Variants in NMU observed in about 807,000 individuals in gnomAD.
NMU encodes the protein neuromedin-U.
Under a neutral mutation model 35.4 loss-of-function variants are expected in NMU, and 29 were observed. The observed-to-expected ratio is 0.82, with a 90% CI of 0.61 to 1.12. NMU has a LOEUF of 1.12. NMU is among the 50% of genes most tolerant of loss of function. The pLI, the probability that NMU is intolerant of heterozygous loss-of-function variation, is 0.00. For missense variants in NMU, 199 were observed against 206.2 expected, an observed-to-expected ratio of 0.97 and a Z score of 0.21; for synonymous variants, 78 against 81.3, an observed-to-expected ratio of 0.96 and a Z score of 0.22.
Position 55,616,404 on chromosome 4 carries a change from T to G in NMU, c.172-19A>C. On this transcript the variant is annotated intron_variant, in intron 2 of 9. Coordinates refer to ENST00000264218, the MANE Select transcript of NMU (RefSeq NM_006681.4). ...CATCTATCTGTAGAAAACAAAAATG[T>G]CAGTTACATCCTGGGAATGGACAGA... 3.1e-6 allele frequency: 5 copies of G among 1,592,338 alleles called. No homozygotes were observed. The highest frequency in any genetic ancestry group is 4.3e-6 in the Non-Finnish European group (5 of 1,160,254).
At chr4:55,612,070 G>A (rs575964841) in intron 3 of NMU, among the ~76,000 whole-genome samples, 1 of 152,252 alleles carries the variant, frequency 6.6e-6, no homozygotes, top group Admixed American at 6.5e-5. Context: ...CTGGAGTTGG[G>A]AGTTGGCTGC....
Position 55,605,302 on chromosome 4 carries a change from C to G in NMU, c.408G>C (p.Glu136Asp), listed in dbSNP as rs1330380725. 1 of 1,613,594 alleles carries G rather than the reference C, an allele frequency of 6.2e-7. No individual in the cohort carries two copies. The highest frequency in any genetic ancestry group is 1.7e-5 in the Admixed American group (1 of 59,994). ...CCACTCTGAATCTCTTCATTCTTCT[C>G]TCATGCAGGTGAGGAACGAGCTGCA... ...PLLQLVPHLH[E>D]RRMKRFRVDE... The change falls in exon 7 of 10, where the codon GAG becomes GAC. Residue 136 changes from glutamate (E) to aspartate (D), a missense_variant. Physicochemically the swap from Glu to Asp is conservative, Grantham distance 45. Transcript: ENST00000264218.
intron 4 of NMU, 132 bp from the exon 5 acceptor site, chr4:55,607,598 CTG>C (rs1384449313): frequency 5.8e-6 from 2 of 345,452 alleles, no homozygotes; most frequent in East Asian, 4.9e-5. Context: ...AAATACAAGA[CTG>C]AAATTAGTTA....
At chr4:55,611,685 G>A (rs990200521) in intron 3 of NMU, among the ~76,000 whole-genome samples, 1 of 152,130 alleles carries the variant, frequency 6.6e-6, no homozygotes, top group African/African-American at 2.4e-5. Context: ...TACATAGTGT[G>A]TTACAACTGC....
intron 3 of NMU, among the ~76,000 whole-genome samples, chr4:55,612,948 A>G (rs987783078): frequency 1.0e-4 from 15 of 149,584 alleles, no homozygotes; most frequent in African/African-American, 3.5e-4. Context: ...GGTGGTACAT[A>G]TACACCACCG....
At chr4:55,610,938 C>CA (rs1368648988) in intron 3 of NMU, among the ~76,000 whole-genome samples, 1 of 151,508 alleles carries the variant, frequency 6.6e-6, no homozygotes, top group Non-Finnish European at 1.5e-5. Flanking sequence ...TTTAAAAAGT[C>CA]AAAAAAATTC....
intron 7 of NMU, 105 bp downstream of exon 7, chr4:55,605,170 C>T (rs116755301): frequency 0.019 from 15,917 of 821,754 alleles, 244 homozygotes; most frequent in Middle Eastern, 0.027. Context: ...TTAGTGTGGG[C>T]TTATCCTGAA....
intron 2 of NMU, 88 bp downstream of exon 2, chr4:55,630,314 T>C: frequency 2.1e-6 from 2 of 974,172 alleles, no homozygotes; most frequent in African/African-American, 1.6e-5. Flanking sequence ...AAAATCATAG[T>C]TCTCCCAAAG....
chr4:55,636,394 G>C, upstream of NMU: 1 of 752,662 alleles, frequency 1.3e-6, no homozygotes, highest in East Asian at 3.5e-5. This position sits in a 1 kb window ranked among gnomAD's most constrained non-coding sequence, Gnocchi z 4.0. Context: ...TGCCGCCCCC[G>C]GCCTACCTCG....
intron 2 of NMU, among the ~76,000 whole-genome samples, chr4:55,627,770 A>G (rs1734592718): frequency 6.6e-6 from 1 of 152,222 alleles, no homozygotes; most frequent in African/African-American, 2.4e-5. Flanking sequence ...CAAGAGCAAG[A>G]AGTTTGTTAA....
chr4:55,602,911 T>C (rs1733481969), intron 7 of NMU, among the ~76,000 whole-genome samples: 1 of 152,222 alleles, frequency 6.6e-6, no homozygotes, highest in Non-Finnish European at 1.5e-5. Context: ...TTTTTAAAAG[T>C]ATCTGAAAAC....
chr4:55,600,500 T>C (rs1310782808), intron 8 of NMU, 22 bp downstream of exon 8: 1 of 1,531,246 alleles, frequency 6.5e-7, no homozygotes, highest in Admixed American at 1.7e-5. Context: ...ATTGATTTTT[T>C]AAAAATACAG....
chr4:55,595,571 C>T (rs370111686), intron 9 of NMU, among the ~76,000 whole-genome samples, 160 bp from the exon 10 acceptor site: 1 of 116,952 alleles, frequency 8.6e-6, no homozygotes, highest in Non-Finnish European at 1.9e-5. Context: ...TATACACACA[C>T]ACACACACAC....
chr4:55,613,772 G>A (rs919079382), intron 3 of NMU, among the ~76,000 whole-genome samples: 1 of 152,048 alleles, frequency 6.6e-6, no homozygotes, highest in South Asian at 2.1e-4. Flanking sequence ...CTCTCCCACA[G>A]CTGGTGGAAC....
chr4:55,612,333 G>A (rs970074574), intron 3 of NMU, among the ~76,000 whole-genome samples: 3 of 152,176 alleles, frequency 2.0e-5, no homozygotes, highest in Non-Finnish European at 4.4e-5. Context: ...CCAGGAGTTC[G>A]TAGCTGTGGC....
chr4:55,625,719 C>G (rs994377511), intron 2 of NMU, among the ~76,000 whole-genome samples: 8 of 152,064 alleles, frequency 5.3e-5, no homozygotes, highest in African/African-American at 1.9e-4. Context: ...GGCATATCCT[C>G]CATTTGTATA....
intron 2 of NMU, among the ~76,000 whole-genome samples, chr4:55,619,522 G>A (rs559888311): frequency 1.4e-5 from 2 of 143,204 alleles, no homozygotes; most frequent in East Asian, 4.1e-4. Flanking sequence ...CTACGCCCAC[G>A]GAATCTCGCT....
At chr4:55,601,334 A>C (rs1733414659) in intron 7 of NMU, among the ~76,000 whole-genome samples, 1 of 152,150 alleles carries the variant, frequency 6.6e-6, no homozygotes, top group Admixed American at 6.6e-5. Context: ...ATCACCATGA[A>C]ATCTTTCAGC....
chr4:55,633,387 A>C (rs1715725431), intron 1 of NMU, among the ~76,000 whole-genome samples: 1 of 152,016 alleles, frequency 6.6e-6, no homozygotes. Flanking sequence ...CCCAAACATA[A>C]GGAGGAGTTA....
Sources: gnomAD v4.1 joint callset for allele counts (sites outside exome capture counted in the v4.1 genomes callset) on GRCh38, gnomAD v4.1.1 for gene constraint, Gnocchi (gnomAD v3.1) non-coding constraint, MANE v1.5 for transcripts, NCBI Gene and HGNC (gene_info 2026-07-23, HGNC 2026-07-21) for gene names.